The following PVT1 variants were observed in gnomAD, a reference collection of about 807,000 sequenced individuals.
The protein encoded by PVT1 is CXCR4/PVT1 fusion.
intron 4 of PVT1, among the ~76,000 whole-genome samples, chr8:127,991,317 T>G (rs76989006): frequency 1.3e-5 from 2 of 151,996 alleles, no homozygotes; most frequent in Non-Finnish European, 2.9e-5. Flanking sequence ...TACTTTTTTT[T>G]GTATTTTTAT....
At chr8:127,955,367 C>T (rs1394242821) in intron 3 of PVT1, among the ~76,000 whole-genome samples, 1 of 152,178 alleles carries the variant, frequency 6.6e-6, no homozygotes, top group African/African-American at 2.4e-5. Flanking sequence ...CCAGTCTATA[C>T]TCCTTTTTTA....
intron 3 of PVT1, among the ~76,000 whole-genome samples, chr8:127,912,052 G>C (rs1317038526): frequency 6.6e-6 from 1 of 152,140 alleles, no homozygotes. Context: ...CCCTGAGTTA[G>C]GTGAGCCTTT....
At chr8:128,041,422 C>T (rs560409111) in intron 4 of PVT1, among the ~76,000 whole-genome samples, 2 of 131,450 alleles carry the variant, frequency 1.5e-5, no homozygotes, top group South Asian at 2.5e-4. Context: ...TGTTTGTGCT[C>T]GTGTGTTTGT....
intron 2 of PVT1, among the ~76,000 whole-genome samples, chr8:127,863,969 G>A (rs1381292627): frequency 3.9e-5 from 6 of 152,220 alleles, no homozygotes; most frequent in Non-Finnish European, 7.3e-5. Context: ...TTGGCTCAGC[G>A]CGGATGGAGC....
intron 3 of PVT1, among the ~76,000 whole-genome samples, chr8:127,909,112 G>A (rs949636321): frequency 4.6e-5 from 7 of 152,314 alleles, no homozygotes; most frequent in Admixed American, 3.3e-4. Flanking sequence ...ATATTTGAAG[G>A]CCCTCAATAT....
intron 2 of PVT1, among the ~76,000 whole-genome samples, chr8:127,868,787 A>ATACG (rs1554593027): frequency 1.3e-5 from 1 of 75,162 alleles, no homozygotes; most frequent in African/African-American, 1.2e-4. Context: ...ATATATATAT[A>ATACG]TATATACATA....
At chr8:128,037,873 A>G (rs3927165) in intron 4 of PVT1, among the ~76,000 whole-genome samples, 63,650 of 152,156 alleles carry the variant, frequency 0.42, 14,194 homozygotes, top group Non-Finnish European at 0.5. Flanking sequence ...CCACTGGTGT[A>G]GACTAGTGGT....
At chr8:127,975,820 T>A (rs1816817611) in intron 3 of PVT1, among the ~76,000 whole-genome samples, 1 of 152,238 alleles carries the variant, frequency 6.6e-6, no homozygotes, top group African/African-American at 2.4e-5. Context: ...GAAAAGTCCC[T>A]GTGTGTTCAT....
Position 127,960,363 on chromosome 8 carries a change from C to T in PVT1, n.783-28799C>T, listed in dbSNP as rs190588262. On this transcript the variant is annotated intron_variant and non_coding_transcript_variant, in intron 3 of 10. Transcript: ENST00000651587. ...CCATTTGCCTCCCTGGTCTTGCCTC[C>T]TGGAGGCCTGTAGATAGGAGACACC... Among the ~76,000 whole-genome samples, 15 of 152,254 alleles carry T rather than the reference C, an allele frequency of 9.9e-5. No homozygotes were observed. The East Asian group carries it at 2.9e-3, about 29-fold the overall frequency.
intron 3 of PVT1, among the ~76,000 whole-genome samples, chr8:127,915,708 C>T (rs1815976265): frequency 6.6e-6 from 1 of 152,014 alleles, no homozygotes. Context: ...TCATTAGCCC[C>T]ATTCTACAGA....
At chr8:127,957,761 A>G (rs772049525) in intron 3 of PVT1, among the ~76,000 whole-genome samples, 2 of 152,198 alleles carry the variant, frequency 1.3e-5, no homozygotes, top group Admixed American at 6.5e-5. Flanking sequence ...GAGGCTTTGC[A>G]GCTTGTGCTG....
At chr8:127,802,122 C>T (rs540947869) in intron 2 of PVT1, among the ~76,000 whole-genome samples, 7 of 152,094 alleles carry the variant, frequency 4.6e-5, no homozygotes, top group Non-Finnish European at 1.5e-5. Flanking sequence ...ACTATGTTGG[C>T]CAGGCTGGTC....
intron 2 of PVT1, among the ~76,000 whole-genome samples, chr8:127,860,679 T>C (rs928438448): frequency 6.6e-6 from 1 of 150,566 alleles, no homozygotes; most frequent in Non-Finnish European, 1.5e-5. Flanking sequence ...GCAGAAGAAT[T>C]GCTTGAACCC....
chr8:127,850,199 C>T (rs1018990163), intron 2 of PVT1, among the ~76,000 whole-genome samples: 2 of 152,112 alleles, frequency 1.3e-5, no homozygotes, highest in African/African-American at 4.8e-5. Flanking sequence ...CTTTCTATAC[C>T]ACCCACCCTA....
At chr8:127,926,295 C>T (rs917811560) in intron 3 of PVT1, among the ~76,000 whole-genome samples, 5 of 152,192 alleles carry the variant, frequency 3.3e-5, no homozygotes, top group East Asian at 1.9e-4. Flanking sequence ...ACAGTCCCTC[C>T]GTTGTGACTA....
rs78017460 is a variant in PVT1 at position 128,003,924 on chromosome 8, A to T, written n.912+14633A>T. 5.3e-3 allele frequency among the ~76,000 whole-genome samples: 807 copies of T among 152,332 alleles called. 3 individuals carry two copies. Among genetic ancestry groups the T allele is most frequent in the African/African-American group, 0.018 (741 of 41,564 alleles). ...GCTAGAGGCTGGGAAGTCCAAGGTC[A>T]AGGTGTGAACTGATTCAGTTTCTGG... On this transcript the variant is annotated intron_variant and non_coding_transcript_variant, in intron 4 of 10. Coordinates refer to ENST00000651587, the Ensembl canonical transcript of PVT1.
At chr8:127,816,570 A>G (rs1396971567) in intron 2 of PVT1, among the ~76,000 whole-genome samples, 1 of 141,450 alleles carries the variant, frequency 7.1e-6, no homozygotes, top group Non-Finnish European at 1.5e-5. Flanking sequence ...CAGGATGGGG[A>G]TGGAGTGCAA....
chr8:128,047,305 C>A (rs965222216), intron 4 of PVT1, among the ~76,000 whole-genome samples: 4 of 152,176 alleles, frequency 2.6e-5, no homozygotes, highest in Non-Finnish European at 5.9e-5. Context: ...TGGTGTCTTG[C>A]TGCTAAGTTC....
At chr8:128,007,784 A>G (rs183346696) in intron 4 of PVT1, among the ~76,000 whole-genome samples, 1 of 152,340 alleles carries the variant, frequency 6.6e-6, no homozygotes, top group East Asian at 1.9e-4. Context: ...ACTCCCATCC[A>G]GCTTATTCTC....
Sources: gnomAD v4.1 joint callset for allele counts (sites outside exome capture counted in the v4.1 genomes callset) on GRCh38, gnomAD v4.1.1 for gene constraint, MANE v1.5 for transcripts, NCBI Gene and HGNC (gene_info 2026-07-23, HGNC 2026-07-21) for gene names.